SORCS1: variants seen among roughly 807,000 people sequenced by gnomAD.
SORCS1 encodes sortilin related VPS10 domain containing receptor 1.
A neutral mutation model predicts 146.1 loss-of-function variants in SORCS1; 60 were observed. The ratio of observed to expected loss-of-function variants is 0.41; its 90% CI spans 0.33 to 0.51. SORCS1 has a LOEUF of 0.51. Ranked by LOEUF, SORCS1 falls within the 20% of genes least tolerant of loss-of-function variation. SORCS1 has a pLI of 0.21. For synonymous variants in SORCS1, 637 were observed against 584.0 expected (o/e 1.09, Z -1.31); for missense variants, 1,352 against 1,487.6 (o/e 0.91, Z 1.50).
At chr10:106,704,165 TA>T (rs1191217725) in intron 8 of SORCS1, among the ~76,000 whole-genome samples, 6 of 152,226 alleles carry the variant, frequency 3.9e-5, no homozygotes, top group Non-Finnish European at 8.8e-5. Context: ...TCTTTGATTT[TA>T]AACTATGATT....
intron 10 of SORCS1, among the ~76,000 whole-genome samples, chr10:106,684,867 G>T (rs1251767980): frequency 6.6e-6 from 1 of 152,188 alleles, no homozygotes; most frequent in Non-Finnish European, 1.5e-5. Flanking sequence ...GTAGCTCAAA[G>T]ATTTTCTTTC....
chr10:106,607,477 C>T (rs1196675228), intron 22 of SORCS1, among the ~76,000 whole-genome samples, 180 bp from the exon 23 acceptor site: 1 of 152,192 alleles, frequency 6.6e-6, no homozygotes, highest in African/African-American at 2.4e-5. Flanking sequence ...TAGGTCCAGG[C>T]TCCGGAGTCA....
chr10:106,703,251 T>G (rs1214368523), intron 8 of SORCS1, among the ~76,000 whole-genome samples: 1 of 151,854 alleles, frequency 6.6e-6, no homozygotes. Flanking sequence ...GTGACAGATC[T>G]GGGTCCCTAA....
chr10:107,049,937 C>T (rs191410165), intron 1 of SORCS1, among the ~76,000 whole-genome samples: 68 of 152,200 alleles, frequency 4.5e-4, no homozygotes, highest in Middle Eastern at 3.4e-3. Context: ...TTAAACGAAA[C>T]GTAATATATC....
chr10:106,891,954 G>T (rs1951254296), intron 2 of SORCS1, among the ~76,000 whole-genome samples: 1 of 152,162 alleles, frequency 6.6e-6, no homozygotes, highest in Non-Finnish European at 1.5e-5. Context: ...TTCTACCACA[G>T]CGTTCTCAAT....
chr10:106,799,686 G>A lies in SORCS1; in HGVS notation c.727-22994C>T, dbSNP rs560311570. ...CAGATCAAAACCACAATGAGTAACC[G>A]TCTCACACCAGTTAGAATGGTGATC... On this transcript the variant is annotated intron_variant, in intron 3 of 25. Transcript: ENST00000263054. 6.6e-3 allele frequency among the ~76,000 whole-genome samples: 1,008 copies of A among 152,196 alleles called. 5 individuals carry two copies. The highest frequency in any genetic ancestry group is 0.01 in the Non-Finnish European group (708 of 68,006).
chr10:107,145,633 A>G (rs1169204313), intron 1 of SORCS1, among the ~76,000 whole-genome samples: 1 of 152,240 alleles, frequency 6.6e-6, no homozygotes, highest in Non-Finnish European at 1.5e-5. Context: ...TCCATTAAAA[A>G]TACAAACAAG....
At chr10:106,866,062 G>A (rs528998295) in intron 2 of SORCS1, among the ~76,000 whole-genome samples, 63 of 150,740 alleles carry the variant, frequency 4.2e-4, no homozygotes, top group South Asian at 8.4e-4. Context: ...GCCAGACTAT[G>A]TGGATGCCTG....
At chr10:107,011,902 G>T (rs1165937214) in intron 1 of SORCS1, among the ~76,000 whole-genome samples, 3 of 152,098 alleles carry the variant, frequency 2.0e-5, no homozygotes, top group Non-Finnish European at 4.4e-5. Context: ...TTTAAATATT[G>T]ATATATCACA....
Position 106,878,622 on chromosome 10 carries a change from A to G in SORCS1, c.627-48949T>C, listed in dbSNP as rs796890768. Among the ~76,000 whole-genome samples the G allele has an allele frequency of 8.3e-3, 254 of 30,740 alleles. 5 individuals are homozygous for G. The highest frequency in any genetic ancestry group is 0.023 in the South Asian group (18 of 782). 20.2% of individuals were successfully genotyped at this position (30,740 alleles called of 152,430 possible). ...ATTTGTTTTTTATAAACTACCTAGT[A>G]TATATATATATATATATATATATAT... On this transcript the variant is annotated intron_variant, in intron 2 of 25. Coordinates refer to ENST00000263054, the MANE Select transcript of SORCS1 (RefSeq NM_052918.5).
At chr10:106,827,418 G>A (rs1948351576) in intron 3 of SORCS1, among the ~76,000 whole-genome samples, 1 of 152,088 alleles carries the variant, frequency 6.6e-6, no homozygotes, top group South Asian at 2.1e-4. Flanking sequence ...TTAGTTCAGG[G>A]ATCTTTCAAT....
intron 1 of SORCS1, among the ~76,000 whole-genome samples, chr10:107,072,694 A>G (rs1962541269): frequency 6.6e-6 from 1 of 151,734 alleles, no homozygotes; most frequent in African/African-American, 2.4e-5. Flanking sequence ...AACTCTAGAG[A>G]TCTAGAATAA....
rs769049738 is a variant in SORCS1 at position 107,164,085 on chromosome 10, C to T, written c.442G>A (p.Asp148Asn). 4.3e-6 allele frequency: 7 copies of T among 1,613,826 alleles called. No individual in the cohort carries two copies. In the East Asian group the frequency reaches 1.6e-4, roughly 36 times the overall value. Reference sequence around the variant, plus strand: ...TCCATCCGGAAGCGGGTGGCTTTGTCCGGGTCCCGCTCCCGAGTCCCAGGC... The same window carrying T: ...TCCATCCGGAAGCGGGTGGCTTTGTTCGGGTCCCGCTCCCGAGTCCCAGGC... ...QEPGTRERDP[D>N]KATRFRMEEL... Residue 148 changes from aspartate (D) to asparagine (N), a missense_variant, in exon 1 of 26, where the codon GAC (aspartate) becomes AAC (asparagine). By Grantham distance (23) the Asp-to-Asn change is conservative (BLOSUM62 1). Transcript: ENST00000263054. The surrounding 1 kb of genome is among the most constrained non-coding windows in gnomAD (Gnocchi z 6.8).
chr10:107,092,442 A>G (rs955451590), intron 1 of SORCS1, among the ~76,000 whole-genome samples: 1 of 152,220 alleles, frequency 6.6e-6, no homozygotes, highest in East Asian at 1.9e-4. Flanking sequence ...CAATGCAAGC[A>G]TAGGGCTTGG....
At chr10:106,581,505 T>C (rs548547700) in intron 24 of SORCS1, among the ~76,000 whole-genome samples, 1 of 152,266 alleles carries the variant, frequency 6.6e-6, no homozygotes, top group African/African-American at 2.4e-5. Flanking sequence ...GTAGGAATAA[T>C]AAATCATGTA....
intron 18 of SORCS1, among the ~76,000 whole-genome samples, chr10:106,630,589 C>T (rs538413422): frequency 3.0e-4 from 46 of 152,320 alleles, no homozygotes; most frequent in Non-Finnish European, 5.3e-4. Context: ...GTCATTCAGT[C>T]TCCTGCAGTC....
intron 5 of SORCS1, among the ~76,000 whole-genome samples, chr10:106,751,680 G>A (rs1158651242): frequency 2.0e-5 from 3 of 151,990 alleles, no homozygotes; most frequent in African/African-American, 7.2e-5. Context: ...TAGAATTCTG[G>A]CATTTTCATG....
chr10:106,611,349 A>G (rs139867283), intron 22 of SORCS1, among the ~76,000 whole-genome samples: 3 of 152,202 alleles, frequency 2.0e-5, no homozygotes. Flanking sequence ...CCTCATCTAC[A>G]AAGTGTGGAT....
At chr10:106,626,980 G>A (rs144405313) in intron 19 of SORCS1, among the ~76,000 whole-genome samples, 1 of 152,152 alleles carries the variant, frequency 6.6e-6, no homozygotes, top group Non-Finnish European at 1.5e-5. Flanking sequence ...CTAAGGTTAA[G>A]GTCAAATATT....
Sources: gnomAD v4.1 joint callset for allele counts (sites outside exome capture counted in the v4.1 genomes callset) on GRCh38, gnomAD v4.1.1 for gene constraint, Gnocchi (gnomAD v3.1) non-coding constraint, MANE v1.5 for transcripts, NCBI Gene and HGNC (gene_info 2026-07-23, HGNC 2026-07-21) for gene names.